The following SENP5 variants were observed in gnomAD, a reference collection of about 807,000 sequenced individuals.
SENP5 encodes SUMO specific peptidase 5, also known as sentrin-specific protease 5.
In SENP5, 21 loss-of-function variants were observed where a neutral mutation model predicts 74.2. The ratio of observed to expected loss-of-function variants is 0.28; its 90% CI spans 0.20 to 0.41. The LOEUF (loss-of-function observed/expected upper bound fraction) is 0.41. Among genes scored for constraint, SENP5 ranks in the 10% least tolerant of loss-of-function variants. SENP5 has a pLI of 1.00. For missense variants in SENP5, 717 were observed against 889.1 expected (o/e 0.81, Z 2.46); for synonymous variants, 311 against 312.7 (o/e 0.99, Z 0.06).
chr3:196,930,707 G>T, intron 9 of SENP5, 106 bp from the exon 10 acceptor site: 1 of 732,356 alleles, frequency 1.4e-6, no homozygotes, highest in Non-Finnish European at 2.4e-6. Flanking sequence ...AAAAGGTTGG[G>T]GTCTTCTGCC....
chr3:196,898,192 A>AAG (rs1714531251), intron 2 of SENP5, among the ~76,000 whole-genome samples: 2 of 151,610 alleles, frequency 1.3e-5, no homozygotes, highest in Non-Finnish European at 2.9e-5. Context: ...AAAAAAGAAA[A>AAG]AAGAAAAGAA....
intron 6 of SENP5, among the ~76,000 whole-genome samples, chr3:196,915,124 T>C (rs1165207993): frequency 6.6e-6 from 1 of 152,196 alleles, no homozygotes; most frequent in African/African-American, 2.4e-5. Flanking sequence ...TTGAGTAAAG[T>C]GGACTTGGGT....
rs371876239 is a variant in SENP5, at chr3:196,909,616, T to C, written c.1884+6006T>C. On this transcript the variant is annotated intron_variant, in intron 6 of 9. Coordinates refer to ENST00000323460, the MANE Select transcript of SENP5 (RefSeq NM_152699.5). The stretch of plus-strand genomic sequence containing the variant: ...GCAAGGCTGATTCAACATATGCAAA[T>C]CAGTAAACATAATCCGTCATATAAA... 6.6e-5 allele frequency among the ~76,000 whole-genome samples: 10 copies of C among 152,240 alleles called. No homozygotes were observed. The South Asian group carries it at 1.9e-3, about 28-fold the overall frequency.
At chr3:196,869,807 G>T (rs556610322) in intron 1 of SENP5, among the ~76,000 whole-genome samples, 46 of 140,752 alleles carry the variant, frequency 3.3e-4, no homozygotes, top group African/African-American at 1.2e-3. Context: ...ACAGGAGTGA[G>T]TCACTGCGCC....
At chr3:196,907,682 GGAA>G (rs1486163931) in intron 6 of SENP5, among the ~76,000 whole-genome samples, 3 of 152,046 alleles carry the variant, frequency 2.0e-5, no homozygotes, top group African/African-American at 7.2e-5. Flanking sequence ...GAGCCTCACT[GGAA>G]GAAGAAGAGT....
At chr3:196,915,714 G>A (rs1715339220) in intron 6 of SENP5, among the ~76,000 whole-genome samples, 1 of 152,154 alleles carries the variant, frequency 6.6e-6, no homozygotes, top group South Asian at 2.1e-4. Context: ...TGGAGAGAGA[G>A]ACTATTTGGG....
intron 6 of SENP5, among the ~76,000 whole-genome samples, chr3:196,910,163 G>T (rs1366200907): frequency 6.6e-6 from 1 of 151,824 alleles, no homozygotes; most frequent in Non-Finnish European, 1.5e-5. Context: ...GCTACAAAGA[G>T]AATAAAATAC....
chr3:196,888,648 A>G (rs1257478893), intron 2 of SENP5, among the ~76,000 whole-genome samples: 1 of 152,068 alleles, frequency 6.6e-6, no homozygotes, highest in Admixed American at 6.6e-5. Context: ...CCATTTTGTT[A>G]AAAGATATAT....
Position 196,885,972 on chromosome 3 carries a change from A to C in SENP5, c.791A>C (p.Gln264Pro). The change falls in exon 2 of 10, where the codon CAG becomes CCG. Residue 264 changes from glutamine to proline, a missense_variant. Physicochemically the swap from Gln to Pro is moderately conservative, Grantham distance 76 (BLOSUM62 -1). Transcript: ENST00000323460. ...AAGGTTTGCAAGCTAAGAAAAGCCC[A>C]GCGAAGCTGGGTACAGAAAGTCACT... ...KSKVCKLRKA[Q>P]RSWVQKVTGD... 3.1e-6 allele frequency: 5 copies of C among 1,614,218 alleles called. No homozygotes were observed. Among genetic ancestry groups the C allele is most frequent in the Non-Finnish European group, 4.2e-6 (5 of 1,180,026 alleles).
Position 196,886,192 on chromosome 3 carries a change from G to A in SENP5, c.1011G>A (p.Glu337=), listed in dbSNP as rs1713963258. The change falls in exon 2 of 10, where the codon GAG becomes GAA. Residue 337 remains glutamate, a synonymous_variant. Transcript: ENST00000323460. ...AAGGAAGCTCTTTCTTGGGCAAGGA[G>A]CTTAGTTTAGACGAAGCATTCCCTG... ...HTKGSSFLGK[E]LSLDEAFPDQ... 1.2e-6 allele frequency: 2 copies of A among 1,614,102 alleles called. No homozygotes were observed. Among genetic ancestry groups the A allele is most frequent in the African/African-American group, 1.3e-5 (1 of 74,940 alleles).
At chr3:196,880,197 C>G (rs180798005) in intron 1 of SENP5, among the ~76,000 whole-genome samples, 1 of 152,296 alleles carries the variant, frequency 6.6e-6, no homozygotes, top group East Asian at 1.9e-4. Flanking sequence ...CCACCCACCT[C>G]AGCCTCCCAA....
chr3:196,929,999 A>C (rs1161929740), intron 9 of SENP5, among the ~76,000 whole-genome samples: 4 of 152,092 alleles, frequency 2.6e-5, no homozygotes, highest in Admixed American at 6.6e-5. Flanking sequence ...AAAAAAAAAA[A>C]AAAAAAACAT....
intron 5 of SENP5, among the ~76,000 whole-genome samples, chr3:196,903,327 A>G (rs1041279849): frequency 6.6e-6 from 1 of 152,126 alleles, no homozygotes. Context: ...TTTAGGAGAG[A>G]CAGTGTCTCA....
At chr3:196,913,714 A>G (rs949856206) in intron 6 of SENP5, 3 of 141,178 alleles carry the variant, frequency 2.1e-5, no homozygotes, top group African/African-American at 5.3e-5. Flanking sequence ...CAGTGGCACA[A>G]TCTTGGCTTG....
intron 6 of SENP5, among the ~76,000 whole-genome samples, chr3:196,922,294 C>T (rs1003520287): frequency 7.9e-5 from 12 of 152,178 alleles, no homozygotes; most frequent in African/African-American, 2.9e-4. Context: ...AAGGAAATTA[C>T]CAGTCATGTG....
intron 6 of SENP5, among the ~76,000 whole-genome samples, chr3:196,916,384 A>G (rs943748836): frequency 6.6e-6 from 1 of 152,116 alleles, no homozygotes. Flanking sequence ...AACTAAAGGC[A>G]CCAATGACCA....
chr3:196,882,886 C>T (rs902616680), intron 1 of SENP5, among the ~76,000 whole-genome samples: 2 of 151,222 alleles, frequency 1.3e-5, no homozygotes, highest in Admixed American at 6.6e-5. Context: ...CTTTGGGGTA[C>T]ACTGTGGGCC....
intron 6 of SENP5, among the ~76,000 whole-genome samples, chr3:196,905,567 A>T (rs1002108187): frequency 6.6e-6 from 1 of 152,156 alleles, no homozygotes; most frequent in African/African-American, 2.4e-5. Flanking sequence ...GGAAGTTCTT[A>T]CCTACATTTA....
intron 5 of SENP5, among the ~76,000 whole-genome samples, chr3:196,900,721 G>T (rs999858500): frequency 3.9e-5 from 6 of 152,048 alleles, no homozygotes; most frequent in African/African-American, 1.4e-4. Context: ...GACTAGCTGG[G>T]ATTATAGGCA....
Sources: allele counts gnomAD v4.1 joint callset (sites outside exome capture counted in the v4.1 genomes callset), GRCh38; gene constraint gnomAD v4.1.1; transcripts MANE v1.5; gene names NCBI Gene and HGNC (gene_info 2026-07-23, HGNC 2026-07-21).